Variants in EEIG2 observed in about 807,000 individuals in gnomAD.
EEIG2 encodes the protein family with sequence similarity 102 member B.
the EEIG2 span, among the ~76,000 whole-genome samples, chr1:108,562,215 G>A: frequency 1.4e-4 from 21 of 152,284 alleles, no homozygotes; most frequent in African/African-American, 4.8e-4. Context: ...TCAGGTCTGT[G>A]TAACTTCAAA....
the EEIG2 span, chr1:108,638,492 C>A: frequency 1.3e-5 from 2 of 152,374 alleles, no homozygotes; most frequent in South Asian, 4.1e-4. Context: ...TAAGTACATA[C>A]TCTGAAGTGT....
At chr1:108,635,202 A>G in the EEIG2 span, 34 of 1,602,102 alleles carry the variant, frequency 2.1e-5, no homozygotes, top group South Asian at 3.0e-4. Context: ...TGAGTAGTTG[A>G]TGTATCAAGG....
chr1:108,611,917 G>GA, the EEIG2 span, among the ~76,000 whole-genome samples: 20,761 of 151,884 alleles, frequency 0.14, 2,065 homozygotes, highest in African/African-American at 0.28. Flanking sequence ...AATGTATATA[G>GA]AAAAAATATA....
chr1:108,605,151 A>G, the EEIG2 span, among the ~76,000 whole-genome samples: 1 of 152,250 alleles, frequency 6.6e-6, no homozygotes, highest in Non-Finnish European at 1.5e-5. Flanking sequence ...GCAAATATAG[A>G]TAAATATTTT....
the EEIG2 span, among the ~76,000 whole-genome samples, chr1:108,614,727 CT>C: frequency 1.3e-5 from 2 of 152,168 alleles, no homozygotes; most frequent in African/African-American, 4.8e-5. Flanking sequence ...TTCTCATCAT[CT>C]CTACCTCGAA....
At chr1:108,624,831 T>C in the EEIG2 span, 1 of 1,104,066 alleles carries the variant, frequency 9.1e-7, no homozygotes, top group Non-Finnish European at 1.4e-6. Flanking sequence ...TGTGTGGGTA[T>C]TTGACTTGAA....
the EEIG2 span, chr1:108,624,546 C>T: frequency 5.9e-6 from 5 of 848,562 alleles, no homozygotes; most frequent in African/African-American, 5.1e-5. Flanking sequence ...GTAACATTAC[C>T]AAGCAGTCTA....
chr1:108,609,709 G>T, the EEIG2 span, among the ~76,000 whole-genome samples: 1 of 152,152 alleles, frequency 6.6e-6, no homozygotes, highest in African/African-American at 2.4e-5. Context: ...ATAGGAGACC[G>T]CAGAGAAAAC....
At chr1:108,580,813 C>T in the EEIG2 span, among the ~76,000 whole-genome samples, 2 of 152,124 alleles carry the variant, frequency 1.3e-5, no homozygotes, top group South Asian at 4.1e-4. Flanking sequence ...ATTTCCATAA[C>T]ATAAAAGTGC....
chr1:108,560,307 C>G, the EEIG2 span: 2 of 768,678 alleles, frequency 2.6e-6, no homozygotes, highest in Non-Finnish European at 1.6e-6. Flanking sequence ...CGGCGCCCCC[C>G]GGCCGCGCCC....
the EEIG2 span, among the ~76,000 whole-genome samples, chr1:108,617,127 G>A: frequency 2.7e-4 from 41 of 152,230 alleles, no homozygotes; most frequent in African/African-American, 7.2e-4. Context: ...GGAGAGCAGC[G>A]GGTCTAAAGC....
the EEIG2 span, among the ~76,000 whole-genome samples, chr1:108,606,405 T>C: frequency 2.0e-5 from 3 of 152,350 alleles, no homozygotes; most frequent in Non-Finnish European, 4.4e-5. Context: ...GATCTAACAG[T>C]AAATTATAGG....
the EEIG2 span, among the ~76,000 whole-genome samples, chr1:108,612,712 C>A: frequency 1.3e-5 from 2 of 152,248 alleles, no homozygotes; most frequent in African/African-American, 4.8e-5. Context: ...CACTTCTGGG[C>A]ATCTGCCCGG....
chr1:108,579,524 A>G, the EEIG2 span, among the ~76,000 whole-genome samples: 1 of 147,688 alleles, frequency 6.8e-6, no homozygotes, highest in African/African-American at 2.5e-5. Context: ...AGCATTAGAC[A>G]GATCAACGAG....
chr1:108,590,436 A>T, the EEIG2 span, among the ~76,000 whole-genome samples: 1 of 152,210 alleles, frequency 6.6e-6, no homozygotes, highest in Non-Finnish European at 1.5e-5. Flanking sequence ...GGTGGACTAT[A>T]TACATCCTTG....
the EEIG2 span, among the ~76,000 whole-genome samples, chr1:108,631,360 G>A: frequency 6.6e-6 from 1 of 152,230 alleles, no homozygotes; most frequent in Non-Finnish European, 1.5e-5. Context: ...TGCTACAGTA[G>A]CAGAGCTGAG....
chr1:108,624,270 C>T, the EEIG2 span, among the ~76,000 whole-genome samples: 9 of 152,062 alleles, frequency 5.9e-5, no homozygotes, highest in African/African-American at 1.9e-4. Flanking sequence ...GCATTCTCCT[C>T]CCAGCCTGAT....
At chr1:108,623,347 A>T in the EEIG2 span, among the ~76,000 whole-genome samples, 2 of 152,096 alleles carry the variant, frequency 1.3e-5, no homozygotes, top group Non-Finnish European at 2.9e-5. Flanking sequence ...ATGTAAAAAA[A>T]AGCCAGGCAT....
the EEIG2 span, among the ~76,000 whole-genome samples, chr1:108,591,547 T>A: frequency 1.3e-5 from 2 of 152,190 alleles, no homozygotes; most frequent in Non-Finnish European, 2.9e-5. Context: ...TTGAAATGTA[T>A]CAATCATAGG....
Sources: allele counts gnomAD v4.1 joint callset (sites outside exome capture counted in the v4.1 genomes callset), GRCh38; gene constraint gnomAD v4.1.1; transcripts MANE v1.5; gene names NCBI Gene and HGNC (gene_info 2026-07-23, HGNC 2026-07-21).